Variants in TULP4 observed in about 807,000 individuals in gnomAD.
The protein encoded by TULP4 is tubby-related protein 4.
In TULP4, 16 loss-of-function variants were observed where a neutral mutation model predicts 129.0. That is an observed-to-expected ratio of 0.12 (90% CI 0.08 to 0.19). The LOEUF is 0.19. Ranked by LOEUF, TULP4 falls within the 10% of genes least tolerant of loss-of-function variation. The pLI, the probability that TULP4 is intolerant of heterozygous loss-of-function variation, is 1.00. For missense variants in TULP4, 1,842 were observed against 2,059.1 expected, an observed-to-expected ratio of 0.89 and a Z score of 2.04; for synonymous variants, 998 against 854.0, an observed-to-expected ratio of 1.17 and a Z score of -2.94.
At chr6:158,483,901 C>T (rs553037501) in intron 8 of TULP4, among the ~76,000 whole-genome samples, 1 of 151,594 alleles carries the variant, frequency 6.6e-6, no homozygotes, top group African/African-American at 2.4e-5. Flanking sequence ...TATTTTTATA[C>T]CAGATACCAT....
chr6:158,447,817 C>T (rs192956398), intron 3 of TULP4, among the ~76,000 whole-genome samples: 1 of 152,356 alleles, frequency 6.6e-6, no homozygotes, highest in East Asian at 1.9e-4. Context: ...CTTGGCCTCT[C>T]TTAAGTTGCT....
In TULP4 at chr6:158,501,857, G is replaced by A. The variant is rs756268522; in HGVS notation, c.2194G>A (p.Gly732Arg). The change falls in exon 13 of 14, where the codon GGG becomes AGG. Residue 732 changes from glycine (G) to arginine (R), a missense_variant. Physicochemically the swap from Gly to Arg is moderately radical, Grantham distance 125. Around this residue, in one of 5 missense-constraint regions of TULP4, gnomAD observed 1,089 missense variants for 987.1 expected, o/e 1.10. Transcript: ENST00000367097. ...CCTGACCAACCAGACGACAGCTGTA[G>A]GGACAGCAGAACATGCAGGTGACAG... Reference protein sequence around the residue: ...DVLTNQTTAVGTAEHAGDSAT... With the variant: ...DVLTNQTTAVRTAEHAGDSAT... 6.2e-7 allele frequency: 1 copy of A among 1,614,152 alleles called. No homozygotes were observed. The highest frequency in any genetic ancestry group is 8.5e-7 in the Non-Finnish European group (1 of 1,180,010).
rs35688574 is a variant in TULP4, at chr6:158,511,390, C to CTT, written c.*4709_*4710dup. ...ATTACTACTGGCATTTTCTTTTTCC[C>CTT]TTTTTTTTTTTTTTAACCGTAAGTG... is the stretch of plus-strand genomic sequence containing the variant. On this transcript the variant is annotated 3_prime_UTR_variant, in exon 14 of 14. Transcript: ENST00000367097. 3,652 of 143,814 alleles carry CTT rather than the reference C, an allele frequency of 0.025. 91 individuals are homozygous for CTT. Among genetic ancestry groups the CTT allele is most frequent in the African/African-American group, 0.067 (2,621 of 38,988 alleles). 8.9% of individuals were successfully genotyped at this position (143,814 alleles called of 1,614,324 possible).
At chr6:158,242,534 G>T in intron 1 of TULP4, 1 of 752,006 alleles carries the variant, frequency 1.3e-6, no homozygotes, top group South Asian at 1.4e-5. Context: ...CTGTCTTCAA[G>T]ACATTCTCAA....
intron 1 of TULP4, among the ~76,000 whole-genome samples, chr6:158,378,085 G>A (rs1242302770): frequency 6.6e-6 from 1 of 152,126 alleles, no homozygotes; most frequent in African/African-American, 2.4e-5. Flanking sequence ...GCCTGGGCTT[G>A]CTTTCAGTCT....
At chr6:158,334,787 G>A (rs1779994130) in intron 1 of TULP4, among the ~76,000 whole-genome samples, 1 of 152,208 alleles carries the variant, frequency 6.6e-6, no homozygotes, top group Non-Finnish European at 1.5e-5. Context: ...ATTAAGTCAT[G>A]AGGGTGAAAC....
At chr6:158,487,672 C>T (rs1780103417) in intron 8 of TULP4, among the ~76,000 whole-genome samples, 2 of 152,258 alleles carry the variant, frequency 1.3e-5, no homozygotes, top group South Asian at 2.1e-4. Context: ...ACCTCAGCCT[C>T]TGCAAATGTG....
intron 1 of TULP4, among the ~76,000 whole-genome samples, chr6:158,252,621 G>T (rs1455168063): frequency 6.6e-6 from 1 of 152,202 alleles, no homozygotes; most frequent in African/African-American, 2.4e-5. Context: ...TGATCTGCCC[G>T]CCTCGGCCTC....
intron 1 of TULP4, among the ~76,000 whole-genome samples, chr6:158,389,132 C>A (rs1057095881): frequency 6.6e-6 from 1 of 152,132 alleles, no homozygotes; most frequent in Non-Finnish European, 1.5e-5. Context: ...TCTTGATAGG[C>A]AAAGGATTTA....
chr6:158,504,432 C>T (rs567457765), intron 13 of TULP4, among the ~76,000 whole-genome samples: 115 of 151,762 alleles, frequency 7.6e-4, no homozygotes, highest in Non-Finnish European at 1.4e-3. Flanking sequence ...CTGCAAGCTA[C>T]GCCTCCTGGG....
At chr6:158,246,005 A>C (rs1778021956) in intron 1 of TULP4, among the ~76,000 whole-genome samples, 1 of 144,984 alleles carries the variant, frequency 6.9e-6, no homozygotes, top group Non-Finnish European at 1.5e-5. Context: ...ACCGTGAGTA[A>C]TTTGCCTACC....
At position 158,504,014 on chromosome 6, in the gene TULP4, A is replaced by G. The variant is rs1428817936; in HGVS notation, c.4351A>G (p.Ser1451Gly). The change falls in exon 13 of 14, where the codon AGT becomes GGT. Residue 1451 changes from serine to glycine, a missense_variant. By Grantham distance (56) the Ser-to-Gly change is moderately conservative. Transcript: ENST00000367097. Reference sequence around the variant, plus strand: ...GGAGGAGGCCAAGTGCCGGCGGGCCAGTGAGAAGGAGGACGGGCGGCTGGG... The same window carrying G: ...GGAGGAGGCCAAGTGCCGGCGGGCCGGTGAGAAGGAGGACGGGCGGCTGGG... ...ELEEAKCRRA[S>G]EKEDGRLGSQ... 2 of 1,612,176 alleles carry G rather than the reference A, an allele frequency of 1.2e-6. No individual in the cohort carries two copies. The highest frequency in any genetic ancestry group is 1.7e-6 in the Non-Finnish European group (2 of 1,179,332).
chr6:158,259,088 A>G (rs1290974436), intron 1 of TULP4, among the ~76,000 whole-genome samples: 2 of 152,056 alleles, frequency 1.3e-5, no homozygotes, highest in African/African-American at 4.8e-5. Flanking sequence ...AAATTAGCCA[A>G]GGGTGGTGGT....
chr6:158,311,665 C>T (rs1001065342), upstream of TULP4, among the ~76,000 whole-genome samples: 1 of 152,156 alleles, frequency 6.6e-6, no homozygotes, highest in Non-Finnish European at 1.5e-5. Flanking sequence ...TGAGTCATTT[C>T]AGTCTCCTTT....
At position 158,503,255 on chromosome 6, in the gene TULP4, C is replaced by T. The variant is rs1474982724; in HGVS notation, c.3592C>T (p.Pro1198Ser). ...GCCATATCCAGGAAGCTATAACAAC[C>T]CCCCTTTGCCTGGAGTGCAGGCTCC... is the stretch of plus-strand genomic sequence containing the variant. ...GVPYPGSYNN[P>S]PLPGVQAPCS... is the part of the protein sequence containing the mutation. Residue 1198 changes from proline to serine, a missense_variant, in exon 13 of 14, where the codon CCC (proline) becomes TCC (serine). By Grantham distance (74) the Pro-to-Ser change is moderately conservative. Coordinates refer to ENST00000367097, the MANE Select transcript of TULP4 (RefSeq NM_020245.5). The surrounding 1 kb of genome is among the most constrained non-coding windows in gnomAD (Gnocchi z 4.3). The T allele has an allele frequency of 1.9e-6, 3 of 1,613,996 alleles. No individual in the cohort carries two copies. The highest frequency in any genetic ancestry group is 3.3e-5 in the Admixed American group (2 of 60,016).
intron 13 of TULP4, among the ~76,000 whole-genome samples, chr6:158,504,513 A>ATTT (rs769598967): frequency 0.17 from 22,889 of 138,438 alleles, 1,977 homozygotes; most frequent in Non-Finnish European, 0.2. Context: ...TGCCCGGCTA[A>ATTT]TTTTTTTTTT....
chr6:158,271,149 C>CAA lies in TULP4; in HGVS notation n.68+38865_68+38866dup, dbSNP rs1220844247. Among the ~76,000 whole-genome samples the CAA allele has an allele frequency of 7.1e-4, 56 of 78,932 alleles. 1 individual carries two copies. The highest frequency in any genetic ancestry group is 2.2e-3 in the African/African-American group (47 of 21,090). The allele number at this position is 78,932 out of a possible 152,430, so 51.8% of individuals were successfully genotyped here. A position where few individuals can be genotyped will look rare whatever the true frequency, so the allele number is the denominator to read the frequency against. On this transcript the variant is annotated intron_variant and non_coding_transcript_variant, in intron 1 of 1. Transcript: ENST00000620026. ...TGGGTGACAAAGTGAGACTCTGTCT[C>CAA]AAAAAAAAAAAAAAAAAAAAGATGC...
At chr6:158,426,012 C>CT (rs1778481999) in intron 2 of TULP4, among the ~76,000 whole-genome samples, 1 of 152,186 alleles carries the variant, frequency 6.6e-6, no homozygotes, top group Non-Finnish European at 1.5e-5. Flanking sequence ...TGCTTGTTGG[C>CT]TGCATGTATG....
intron 1 of TULP4, among the ~76,000 whole-genome samples, chr6:158,373,563 A>T (rs1777117717): frequency 6.6e-6 from 1 of 152,182 alleles, no homozygotes; most frequent in African/African-American, 2.4e-5. Context: ...TATGGAGTTT[A>T]TCTCCACGTG....
Sources: gnomAD v4.1 joint callset for allele counts (sites outside exome capture counted in the v4.1 genomes callset) on GRCh38, gnomAD v4.1.1 for gene constraint, gnomAD v4.1.1 regional missense constraint, Gnocchi (gnomAD v3.1) non-coding constraint, MANE v1.5 for transcripts, NCBI Gene and HGNC (gene_info 2026-07-23, HGNC 2026-07-21) for gene names.